The following SMARCB1 variants were observed in gnomAD, a reference collection of about 807,000 sequenced individuals.
The protein encoded by SMARCB1 is SWI/SNF related BAF chromatin remodeling complex subunit B1.
SMARCB1 carries 5 observed loss-of-function variants against 49.0 expected under a neutral mutation model. The observed-to-expected ratio is 0.10, with a 90% CI of 0.05 to 0.21. The LOEUF (loss-of-function observed/expected upper bound fraction) is 0.21. Ranked by LOEUF, SMARCB1 falls within the 10% of genes least tolerant of loss-of-function variation. SMARCB1 has a pLI of 1.00. For missense variants in SMARCB1, 226 were observed against 509.2 expected (o/e 0.44, Z 5.35); for synonymous variants, 201 against 200.1 (o/e 1.00, Z -0.04).
intron 6 of SMARCB1, chr22:23,818,484 A>G (rs942488229): frequency 6.6e-6 from 1 of 152,158 alleles, no homozygotes; most frequent in Non-Finnish European, 1.5e-5. Flanking sequence ...TAATATTTTA[A>G]AATTGTGGTA....
Position 23,803,395 on chromosome 22 carries a change from C to A in SMARCB1, c.601C>A (p.Arg201=), listed in dbSNP as rs1555877286. 3.1e-6 allele frequency: 5 copies of A among 1,614,178 alleles called. No individual in the cohort carries two copies. The highest frequency in any genetic ancestry group is 2.5e-6 in the Non-Finnish European group (3 of 1,180,040). ...CATGGAGATCGATGGGCAGAAGCTG[C>A]GAGACGCCTTCACCTGGAACATGAA... ...LDMEIDGQKL[R]DAFTWNMNEK... The change falls in exon 5 of 9, where the codon CGA becomes AGA. Residue 201 remains arginine, a synonymous_variant. Coordinates refer to ENST00000644036, the MANE Select transcript of SMARCB1 (RefSeq NM_003073.5).
At chr22:23,815,904 A>C (rs1930166735) in intron 5 of SMARCB1, 1 of 152,342 alleles carries the variant, frequency 6.6e-6, no homozygotes, top group African/African-American at 2.4e-5. Context: ...TGCTCTGGGC[A>C]GTGTATTCAC....
intron 4 of SMARCB1, chr22:23,802,943 A>G (rs1373199277): frequency 2.6e-6 from 1 of 391,084 alleles, no homozygotes; most frequent in Non-Finnish European, 4.9e-6. Flanking sequence ...TTGCTAGAAT[A>G]TTTCCTCTTC....
chr22:23,808,950 G>A (rs970405972), intron 5 of SMARCB1, among the ~76,000 whole-genome samples: 2 of 151,464 alleles, frequency 1.3e-5, no homozygotes, highest in Non-Finnish European at 2.9e-5. Context: ...ACCCACCCTC[G>A]GCCTCCTAAA....
intron 5 of SMARCB1, among the ~76,000 whole-genome samples, chr22:23,813,244 A>G (rs907515271): frequency 1.3e-5 from 2 of 152,246 alleles, no homozygotes; most frequent in Non-Finnish European, 2.9e-5. Context: ...GTCTGCTGTC[A>G]CTATTCTTAT....
At position 23,834,483 on chromosome 22, in the gene SMARCB1, A is replaced by G. The variant is rs909606948; in HGVS notation, c.*303A>G. ...AGGCAGGGCTAGTAACAGTTTTTAA[A>G]TAAAAGGCAACAGGTCATGTTCAAT... On this transcript the variant is annotated 3_prime_UTR_variant, in exon 9 of 9. Transcript: ENST00000644036. The G allele has an allele frequency of 4.3e-6, 3 of 695,556 alleles. No homozygotes were observed. Among genetic ancestry groups the G allele is most frequent in the Non-Finnish European group, 7.9e-6 (3 of 381,070 alleles). The allele number at this position is 695,556 out of a possible 1,614,324, so 43.1% of individuals were successfully genotyped here. A position where few individuals can be genotyped will look rare whatever the true frequency, so the allele number is the denominator to read the frequency against.
chr22:23,822,407 G>T (rs2030141405), intron 6 of SMARCB1, among the ~76,000 whole-genome samples: 1 of 152,188 alleles, frequency 6.6e-6, no homozygotes, highest in Non-Finnish European at 1.5e-5. Context: ...GGGAGTCCTG[G>T]CCCCGTCTTA....
At position 23,837,500 on chromosome 22, in the gene SMARCB1, G is replaced by A. The variant is rs1163822435; in HGVS notation, c.*3320G>A. ...ATTATGTGGGCCGGCTGGCTTGAGG[G>A]GCTGTAAGAGCACAGCAGCTGGGAG... On this transcript the variant is annotated 3_prime_UTR_variant, in exon 9 of 9. Transcript: ENST00000644036. 1 of 770,986 alleles carries A rather than the reference G, an allele frequency of 1.3e-6. No individual in the cohort carries two copies. The highest frequency in any genetic ancestry group is 2.1e-6 in the Non-Finnish European group (1 of 485,822). The allele number at this position is 770,986 out of a possible 1,614,324, so 47.8% of individuals were successfully genotyped here.
intron 5 of SMARCB1, chr22:23,803,723 T>G (rs1310345518): frequency 1.3e-5 from 6 of 469,912 alleles, no homozygotes. Flanking sequence ...CAGTCAGACC[T>G]AGTTCAGCCC....
At chr22:23,810,796 G>A (rs960250504) in intron 5 of SMARCB1, among the ~76,000 whole-genome samples, 1 of 152,012 alleles carries the variant, frequency 6.6e-6, no homozygotes, top group African/African-American at 2.4e-5. Context: ...TTGGGAGGCC[G>A]AGGCAGGCGG....
At chr22:23,806,600 G>C (rs2267035) in intron 5 of SMARCB1, among the ~76,000 whole-genome samples, 1 of 152,052 alleles carries the variant, frequency 6.6e-6, no homozygotes, top group African/African-American at 2.4e-5. Context: ...TGAGTAGCAC[G>C]AATGAAGTGT....
intron 3 of SMARCB1, among the ~76,000 whole-genome samples, chr22:23,797,347 C>A (rs145364644): frequency 4.7e-4 from 70 of 149,362 alleles, no homozygotes; most frequent in Middle Eastern, 3.4e-3. Context: ...TTCGCTCTGT[C>A]GCCCAGGCTG....
At chr22:23,799,679 A>ATCTTTGTTTTTTTTTTTTTTTTT (rs1929015279) in intron 3 of SMARCB1, among the ~76,000 whole-genome samples, 1 of 68,406 alleles carries the variant, frequency 1.5e-5, no homozygotes, top group Non-Finnish European at 2.7e-5. Flanking sequence ...CACCTGGCTA[A>ATCTTTGTTTTTTTTTTTTTTTTT]TTTTTTTTTT....
At position 23,837,971 on chromosome 22, in the gene SMARCB1, A is replaced by G. The variant is rs1453381160; in HGVS notation, c.*3791A>G. On this transcript the variant is annotated 3_prime_UTR_variant, in exon 9 of 9. Transcript: ENST00000644036. ...TCCCCTATGTGCTATTCCCTCATCA[A>G]GATGAGCCAGTCCAATAAAGGCGAC... The G allele has an allele frequency of 3.2e-6, 4 of 1,264,214 alleles. No homozygotes were observed. In the East Asian group the frequency reaches 1.0e-4, roughly 32 times the overall value. 78.3% of individuals were successfully genotyped at this position (1,264,214 alleles called of 1,614,324 possible).
At chr22:23,833,517 A>G in intron 7 of SMARCB1, 55 bp from the exon 8 acceptor site, 1 of 1,612,122 alleles carries the variant, frequency 6.2e-7, no homozygotes, top group Non-Finnish European at 8.5e-7. Flanking sequence ...CTTTCTGAGG[A>G]TTCTCCATCT....
intron 5 of SMARCB1, among the ~76,000 whole-genome samples, chr22:23,810,105 G>C (rs979924831): frequency 6.6e-6 from 1 of 151,622 alleles, no homozygotes; most frequent in South Asian, 2.1e-4. Flanking sequence ...CCGGGAGGCA[G>C]AGGTTGCAGT....
At position 23,787,166 on chromosome 22, in the gene SMARCB1, C is replaced by T. The variant is rs1928039490; in HGVS notation, c.-4C>T. 2 of 1,602,734 alleles carry T rather than the reference C, an allele frequency of 1.2e-6. No individual in the cohort carries two copies. The highest frequency in any genetic ancestry group is 1.7e-6 in the Non-Finnish European group (2 of 1,172,448). On this transcript the variant is annotated 5_prime_UTR_variant, in exon 1 of 9. Transcript: ENST00000644036. ...GGCTCCGGCCGCCCGCCTCTGCCGC[C>T]GCAATGATGATGATGGCGCTGAGCA... is the stretch of plus-strand genomic sequence containing the variant.
intron 3 of SMARCB1, among the ~76,000 whole-genome samples, chr22:23,798,926 T>A (rs960511758): frequency 6.6e-6 from 1 of 151,780 alleles, no homozygotes; most frequent in African/African-American, 2.4e-5. Context: ...GGTGGGCGCC[T>A]GTAGTCCCAG....
intron 7 of SMARCB1, chr22:23,825,712 A>C: frequency 2.1e-6 from 1 of 465,536 alleles, no homozygotes; most frequent in South Asian, 2.7e-5. Flanking sequence ...ACCATCCACC[A>C]TTCAGTTGTC....
Sources: gnomAD v4.1 joint callset for allele counts (sites outside exome capture counted in the v4.1 genomes callset) on GRCh38, gnomAD v4.1.1 for gene constraint, MANE v1.5 for transcripts, NCBI Gene and HGNC (gene_info 2026-07-23, HGNC 2026-07-21) for gene names.